LRMDA: variants seen among roughly 807,000 people sequenced by gnomAD.
The protein encoded by LRMDA is leucine-rich melanocyte differentiation-associated protein.
In LRMDA, 18 loss-of-function variants were observed where a neutral mutation model predicts 29.8. The ratio of observed to expected loss-of-function variants is 0.60; its 90% CI spans 0.42 to 0.90. The LOEUF is 0.90. Ranked by LOEUF, LRMDA falls within the 40% of genes least tolerant of loss-of-function variation. The pLI, the probability that LRMDA is intolerant of heterozygous loss-of-function variation, is 0.00. For missense variants in LRMDA, 273 were observed against 273.9 expected (o/e 1.00, Z 0.02); for synonymous variants, 125 against 109.4 (o/e 1.14, Z -0.89).
intron 6 of LRMDA, among the ~76,000 whole-genome samples, chr10:76,378,872 T>TTTTTTTTC (rs1564525190): frequency 6.7e-6 from 1 of 148,498 alleles, no homozygotes; most frequent in African/African-American, 2.5e-5. Context: ...TTTTTTTTTT[T>TTTTTTTTC]TTGAGACGAT....
At chr10:75,870,125 C>A (rs541019896) in intron 2 of LRMDA, among the ~76,000 whole-genome samples, 2 of 151,918 alleles carry the variant, frequency 1.3e-5, no homozygotes, top group Admixed American at 6.6e-5. Context: ...GGCTTGTGGG[C>A]TAAGAATGGT....
intron 2 of LRMDA, among the ~76,000 whole-genome samples, chr10:75,945,986 C>T (rs1345134284): frequency 1.3e-5 from 2 of 152,114 alleles, no homozygotes; most frequent in Non-Finnish European, 2.9e-5. Flanking sequence ...TTTTGTTAGG[C>T]CAAGTTATTG....
intron 5 of LRMDA, among the ~76,000 whole-genome samples, chr10:76,284,065 C>G (rs538049950): frequency 6.6e-6 from 1 of 152,276 alleles, no homozygotes; most frequent in South Asian, 2.1e-4. Context: ...CAGGTCATTT[C>G]TTTTTCCACG....
At chr10:76,270,926 T>A (rs939074123) in intron 5 of LRMDA, 1 of 152,236 alleles carries the variant, frequency 6.6e-6, no homozygotes, top group African/African-American at 2.4e-5. Context: ...TTGGCCTGTT[T>A]AATCAGTGGT....
At chr10:75,919,650 A>G (rs1340855007) in intron 2 of LRMDA, among the ~76,000 whole-genome samples, 2 of 152,162 alleles carry the variant, frequency 1.3e-5, no homozygotes, top group Non-Finnish European at 1.5e-5. Context: ...TGAAAACTCA[A>G]TGGCTTACCC....
intron 2 of LRMDA, among the ~76,000 whole-genome samples, chr10:75,943,590 C>T (rs1438950893): frequency 6.6e-6 from 1 of 152,132 alleles, no homozygotes; most frequent in Non-Finnish European, 1.5e-5. Flanking sequence ...GTGAATTGAT[C>T]TCCTGTGATA....
intron 2 of LRMDA, among the ~76,000 whole-genome samples, chr10:75,480,912 G>A (rs565951784): frequency 6.6e-6 from 1 of 152,106 alleles, no homozygotes; most frequent in African/African-American, 2.4e-5. Context: ...GAGGGGTGAG[G>A]CATGGGAGGA....
At chr10:76,232,783 G>T (rs1377963193) in intron 5 of LRMDA, among the ~76,000 whole-genome samples, 1 of 152,220 alleles carries the variant, frequency 6.6e-6, no homozygotes, top group Admixed American at 6.5e-5. Flanking sequence ...ACAGCTTTCA[G>T]TGGAGAGGGG....
chr10:75,736,785 T>C (rs1842768083), intron 2 of LRMDA, among the ~76,000 whole-genome samples: 1 of 152,166 alleles, frequency 6.6e-6, no homozygotes, highest in Non-Finnish European at 1.5e-5. Context: ...ATATTCTTGA[T>C]AGGATTATTT....
intron 2 of LRMDA, among the ~76,000 whole-genome samples, chr10:75,649,185 G>C (rs934727363): frequency 5.3e-5 from 8 of 152,152 alleles, no homozygotes; most frequent in African/African-American, 1.9e-4. Flanking sequence ...GCACCACTGA[G>C]TACCTCATAT....
At chr10:76,024,100 C>T (rs1453051302) in intron 2 of LRMDA, among the ~76,000 whole-genome samples, 1 of 152,176 alleles carries the variant, frequency 6.6e-6, no homozygotes, top group African/African-American at 2.4e-5. Flanking sequence ...TGGTCTTATG[C>T]TGTGTGTTTA....
At chr10:75,894,122 C>G (rs1845543604) in intron 2 of LRMDA, among the ~76,000 whole-genome samples, 1 of 151,924 alleles carries the variant, frequency 6.6e-6, no homozygotes, top group Non-Finnish European at 1.5e-5. Flanking sequence ...TTTTGGTGCA[C>G]CCATCACCTG....
chr10:76,485,878 AGT>A (rs1249101769), intron 6 of LRMDA, among the ~76,000 whole-genome samples: 1 of 151,810 alleles, frequency 6.6e-6, no homozygotes, highest in African/African-American at 2.4e-5. Flanking sequence ...TAGAAGCTTT[AGT>A]TTGGGACTGC....
intron 5 of LRMDA, among the ~76,000 whole-genome samples, chr10:76,067,364 C>G (rs529889258): frequency 1.3e-5 from 2 of 152,200 alleles, no homozygotes; most frequent in South Asian, 4.2e-4. Flanking sequence ...TTTTCTTGAT[C>G]CACTTTGGAA....
intron 2 of LRMDA, among the ~76,000 whole-genome samples, chr10:75,473,837 C>G (rs969482012): frequency 1.3e-5 from 2 of 152,182 alleles, no homozygotes; most frequent in African/African-American, 2.4e-5. Flanking sequence ...ACCAAGGTGA[C>G]TTTGCCCTAG....
At chr10:75,711,704 T>C (rs998862878) in intron 2 of LRMDA, among the ~76,000 whole-genome samples, 1 of 152,168 alleles carries the variant, frequency 6.6e-6, no homozygotes, top group African/African-American at 2.4e-5. Flanking sequence ...TTTTATGAGT[T>C]TGGTGGGTGC....
chr10:75,672,418 T>C (rs1841901797), intron 2 of LRMDA, among the ~76,000 whole-genome samples: 1 of 151,604 alleles, frequency 6.6e-6, no homozygotes, highest in Non-Finnish European at 1.5e-5. Context: ...GGCACTGGTT[T>C]TCTCGTTCAA....
chr10:76,548,070 G>C (rs1843443448), intron 6 of LRMDA, among the ~76,000 whole-genome samples: 1 of 152,164 alleles, frequency 6.6e-6, no homozygotes, highest in African/African-American at 2.4e-5. Context: ...TAATGAATTT[G>C]AAAAGTAAGC....
intron 2 of LRMDA, among the ~76,000 whole-genome samples, chr10:75,518,730 T>C (rs2132036130): frequency 6.6e-6 from 1 of 152,352 alleles, no homozygotes; most frequent in East Asian, 1.9e-4. Context: ...TAGTTATTTC[T>C]TGCCTTCTGC....
Sources: gnomAD v4.1 joint callset for allele counts (sites outside exome capture counted in the v4.1 genomes callset) on GRCh38, gnomAD v4.1.1 for gene constraint, MANE v1.5 for transcripts, NCBI Gene and HGNC (gene_info 2026-07-23, HGNC 2026-07-21) for gene names.